The following C13orf42 variants were observed in gnomAD, a reference collection of about 807,000 sequenced individuals.
C13orf42 encodes chromosome 13 open reading frame 42.
chr13:51,105,719 C>T (rs1953346120), intron 1 of C13orf42, among the ~76,000 whole-genome samples: 1 of 152,106 alleles, frequency 6.6e-6, no homozygotes, highest in South Asian at 2.1e-4. Context: ...TCTTGATTTT[C>T]TATGATTTTT....
chr13:51,146,319 C>T lies in C13orf42; in HGVS notation n.136+25934G>A, dbSNP rs932345824. The stretch of plus-strand genomic sequence containing the variant: ...CTTTTGTATTGACGGATTCCTTACC[C>T]CTTTCTTCATCTGTCAGCTACGGTC... On this transcript the variant is annotated intron_variant and non_coding_transcript_variant, in intron 1 of 4. Coordinates refer to the C13orf42 transcript ENST00000433280. Among the ~76,000 whole-genome samples, 7 of 152,292 alleles carry T rather than the reference C, an allele frequency of 4.6e-5. No individual in the cohort carries two copies. In the East Asian group the frequency reaches 1.3e-3, roughly 29 times the overall value.
intron 1 of C13orf42, among the ~76,000 whole-genome samples, chr13:51,157,208 C>T (rs187917536): frequency 1.8e-4 from 28 of 152,150 alleles, no homozygotes; most frequent in Admixed American, 9.8e-4. Context: ...CCGAGGCGGA[C>T]GGATCGTTTG....
chr13:51,135,379 G>A (rs1011038717), intron 1 of C13orf42, among the ~76,000 whole-genome samples: 1 of 152,136 alleles, frequency 6.6e-6, no homozygotes, highest in African/African-American at 2.4e-5. Flanking sequence ...AGTGGTTCAC[G>A]CCTATAATCC....
At position 51,124,785 on chromosome 13, in the gene C13orf42, G is replaced by A. The variant is rs1272796325; in HGVS notation, n.137-11563C>T. The stretch of plus-strand genomic sequence containing the variant: ...TAGAGAACCACCCACTTAGGTATTC[G>A]GTCTGACCTTCCAGCTGCTTCCATG... On this transcript the variant is annotated intron_variant and non_coding_transcript_variant, in intron 1 of 4. Coordinates refer to the C13orf42 transcript ENST00000433280. Among the ~76,000 whole-genome samples, 11 of 152,214 alleles carry A rather than the reference G, an allele frequency of 7.2e-5. No individual in the cohort carries two copies. The South Asian group carries it at 1.0e-3, about 14-fold the overall frequency.
At chr13:51,126,130 T>G (rs565081432) in intron 1 of C13orf42, among the ~76,000 whole-genome samples, 15 of 152,220 alleles carry the variant, frequency 9.9e-5, no homozygotes, top group Non-Finnish European at 1.9e-4. Flanking sequence ...TTAAAAGTTG[T>G]GGCAAAGGCA....
intron 1 of C13orf42, among the ~76,000 whole-genome samples, chr13:51,091,500 G>A (rs952107274): frequency 2.0e-5 from 3 of 152,124 alleles, no homozygotes; most frequent in African/African-American, 7.2e-5. Context: ...CCTGCCCCTT[G>A]ACCCAGTCTG....
chr13:51,107,806 G>A (rs1953376627), intron 1 of C13orf42, among the ~76,000 whole-genome samples: 1 of 152,186 alleles, frequency 6.6e-6, no homozygotes, highest in South Asian at 2.1e-4. Context: ...GTCCACCAGG[G>A]GAGACGCACA....
At chr13:51,088,117 G>A in intron 1 of C13orf42, 42 bp from the exon 2 acceptor site, 1 of 398,630 alleles carries the variant, frequency 2.5e-6, no homozygotes, top group Non-Finnish European at 4.4e-6. Flanking sequence ...GCCTGAGCCA[G>A]TAAGCCAGAG....
chr13:51,158,194 T>C (rs1211243665), intron 1 of C13orf42, among the ~76,000 whole-genome samples: 1 of 152,188 alleles, frequency 6.6e-6, no homozygotes, highest in Non-Finnish European at 1.5e-5. Flanking sequence ...ATGCCAGGAT[T>C]TGAACCATCT....
At chr13:51,134,316 G>A (rs1445890773) in intron 1 of C13orf42, among the ~76,000 whole-genome samples, 1 of 152,172 alleles carries the variant, frequency 6.6e-6, no homozygotes, top group Non-Finnish European at 1.5e-5. Context: ...GCACTCCTCA[G>A]TCTCAGAATC....
At chr13:51,091,367 A>G (rs1953178506) in intron 1 of C13orf42, among the ~76,000 whole-genome samples, 1 of 152,172 alleles carries the variant, frequency 6.6e-6, no homozygotes, top group Non-Finnish European at 1.5e-5. Context: ...CACTTGTCCA[A>G]TTATCCTCAT....
At chr13:51,171,264 G>A (rs1052541799) in intron 1 of C13orf42, among the ~76,000 whole-genome samples, 4 of 151,998 alleles carry the variant, frequency 2.6e-5, no homozygotes, top group Admixed American at 6.5e-5. Flanking sequence ...ATACAAACTC[G>A]ACAGTAGTTC....
At chr13:51,107,205 C>T (rs532335336) in intron 1 of C13orf42, among the ~76,000 whole-genome samples, 2 of 152,294 alleles carry the variant, frequency 1.3e-5, no homozygotes, top group Admixed American at 1.3e-4. Context: ...GGATGCCATT[C>T]ACATGTCAAT....
rs567932628 is a variant in C13orf42 at position 51,088,889 on chromosome 13, C to G, written c.415-814G>C. Among the ~76,000 whole-genome samples, 73 of 152,272 alleles carry G rather than the reference C, an allele frequency of 4.8e-4. 1 individual carries two copies. Among genetic ancestry groups the G allele is most frequent in the African/African-American group, 1.7e-3 (69 of 41,562 alleles). On this transcript the variant is annotated intron_variant, in intron 1 of 3. Coordinates refer to ENST00000563710, the MANE Select transcript of C13orf42 (RefSeq NM_001351589.3). ...TCCTGACTGTTCCCTTCATGATCTT[C>G]ACAACAATCCCGTCATGAGTGACTG... is the stretch of plus-strand genomic sequence containing the variant.
chr13:51,142,350 C>CT (rs531380535), intron 1 of C13orf42, among the ~76,000 whole-genome samples: 49 of 152,056 alleles, frequency 3.2e-4, no homozygotes, highest in Non-Finnish European at 5.0e-4. Context: ...TAGGTGAAAT[C>CT]TTTTTTTTAC....
chr13:51,127,200 C>T (rs1454043619), intron 1 of C13orf42, among the ~76,000 whole-genome samples: 1 of 151,862 alleles, frequency 6.6e-6, no homozygotes, highest in Non-Finnish European at 1.5e-5. Flanking sequence ...CGAGACAAGG[C>T]GGAAGAAATG....
chr13:51,145,703 C>G (rs891246112), intron 1 of C13orf42, among the ~76,000 whole-genome samples: 1 of 134,252 alleles, frequency 7.4e-6, no homozygotes, highest in Non-Finnish European at 1.6e-5. Context: ...TTTGGAAAGA[C>G]TAATGAGAAA....
chr13:51,087,559 C>T (rs1953141769), intron 2 of C13orf42, among the ~76,000 whole-genome samples: 1 of 152,262 alleles, frequency 6.6e-6, no homozygotes, highest in South Asian at 2.1e-4. Flanking sequence ...TTAAATGACA[C>T]CCCTCATCGA....
chr13:51,141,099 T>A (rs1466798949), intron 1 of C13orf42, among the ~76,000 whole-genome samples: 1 of 107,562 alleles, frequency 9.3e-6, no homozygotes, highest in African/African-American at 4.2e-5. Context: ...AAGGGAGGTG[T>A]GTGTGTGTGT....
Sources: allele counts gnomAD v4.1 joint callset (sites outside exome capture counted in the v4.1 genomes callset), GRCh38; gene constraint gnomAD v4.1.1; transcripts MANE v1.5; gene names NCBI Gene and HGNC (gene_info 2026-07-23, HGNC 2026-07-21).